PPP4R2: variants seen among roughly 807,000 people sequenced by gnomAD.
PPP4R2 encodes serine/threonine-protein phosphatase 4 regulatory subunit 2.
Under a neutral mutation model 47.2 loss-of-function variants are expected in PPP4R2, and 13 were observed. The ratio of observed to expected loss-of-function variants is 0.28; its 90% CI spans 0.18 to 0.44. PPP4R2 has a LOEUF of 0.44. PPP4R2 is among the 20% of genes least tolerant of loss of function. PPP4R2 has a pLI of 1.00. For synonymous variants in PPP4R2, 151 were observed against 163.3 expected (o/e 0.92, Z 0.57); for missense variants, 421 against 491.2 (o/e 0.86, Z 1.35).
intron 1 of PPP4R2, 118 bp downstream of exon 1, chr3:72,997,189 C>A (rs1053826369): frequency 3.2e-5 from 24 of 752,606 alleles, no homozygotes; most frequent in South Asian, 5.8e-5. Flanking sequence ...GAGTGCTTCC[C>A]GGGCTCCCAT....
chr3:73,057,489 A>T (rs988372649), intron 3 of PPP4R2, among the ~76,000 whole-genome samples: 1 of 152,126 alleles, frequency 6.6e-6, no homozygotes, highest in African/African-American at 2.4e-5. Flanking sequence ...TCAGGCAAAC[A>T]TTTAATCTTT....
At chr3:73,001,321 G>T (rs1701452145) in intron 2 of PPP4R2, among the ~76,000 whole-genome samples, 1 of 152,118 alleles carries the variant, frequency 6.6e-6, no homozygotes, top group African/African-American at 2.4e-5. Context: ...ACTTTGAGAG[G>T]CTGAGGCAGG....
At chr3:73,020,676 A>T (rs1017880179) in intron 2 of PPP4R2, among the ~76,000 whole-genome samples, 4 of 151,616 alleles carry the variant, frequency 2.6e-5, no homozygotes, top group African/African-American at 7.2e-5. Flanking sequence ...TCTCTTTAAA[A>T]AAAAAAAAAA....
At chr3:73,004,847 G>A (rs1701561779) in intron 2 of PPP4R2, among the ~76,000 whole-genome samples, 1 of 87,544 alleles carries the variant, frequency 1.1e-5, no homozygotes, top group South Asian at 3.3e-4. Context: ...AGTGTGGGGT[G>A]TGTGTGTGTG....
intron 2 of PPP4R2, among the ~76,000 whole-genome samples, chr3:73,042,705 T>C (rs1345939656): frequency 6.6e-6 from 1 of 152,112 alleles, no homozygotes; most frequent in East Asian, 1.9e-4. Context: ...CTGTTTTTGT[T>C]TTTATCAAAT....
At chr3:73,061,089 A>G in intron 5 of PPP4R2, 29 bp downstream of exon 5, 2 of 1,058,252 alleles carry the variant, frequency 1.9e-6, no homozygotes, top group Non-Finnish European at 1.3e-6. Context: ...TTTCTAGTAT[A>G]TTATTTACTA....
chr3:73,010,960 C>T (rs1254637901), intron 2 of PPP4R2, among the ~76,000 whole-genome samples: 1 of 152,184 alleles, frequency 6.6e-6, no homozygotes, highest in Non-Finnish European at 1.5e-5. Context: ...GTAGGTCTTT[C>T]TCTTTTTTAA....
In PPP4R2 at chr3:73,069,030, G is replaced by C. The variant is rs1042984015; in HGVS notation, c.*3308G>C. ...GGAATTATAAAAATTAGGTTTGCTG[G>C]GTTTTGGCCTAATAAGAGTGCTAGT... On this transcript the variant is annotated 3_prime_UTR_variant, in exon 9 of 9. Transcript: ENST00000356692. 3.9e-5 allele frequency: 6 copies of C among 152,074 alleles called. No homozygotes were observed. The highest frequency in any genetic ancestry group is 1.4e-4 in the African/African-American group (6 of 41,396). 9.4% of individuals were successfully genotyped at this position (152,074 alleles called of 1,614,324 possible).
At chr3:73,057,054 A>G (rs978423065) in intron 3 of PPP4R2, among the ~76,000 whole-genome samples, 5 of 152,250 alleles carry the variant, frequency 3.3e-5, no homozygotes, top group South Asian at 2.1e-4. Context: ...GGGGTGATTA[A>G]TGAGGAAATA....
chr3:73,016,593 C>A (rs975695868), intron 2 of PPP4R2, among the ~76,000 whole-genome samples: 1 of 151,924 alleles, frequency 6.6e-6, no homozygotes, highest in African/African-American at 2.4e-5. Flanking sequence ...GGTCTTTAAC[C>A]AAGTCTTAGT....
In PPP4R2 at chr3:73,018,357, C is replaced by T. The variant is rs185011682; in HGVS notation, c.116+20199C>T. On this transcript the variant is annotated intron_variant, in intron 2 of 8. Coordinates refer to ENST00000356692, the MANE Select transcript of PPP4R2 (RefSeq NM_174907.4). ...TGCAGATTTTGGTATACACAGGAGT[C>T]TTGGAACCAGTTCCTAAAGTATACC... 1.6e-4 allele frequency among the ~76,000 whole-genome samples: 22 copies of T among 135,568 alleles called. No individual in the cohort carries two copies. In the East Asian group the frequency reaches 4.1e-3, roughly 25 times the overall value. The allele number at this position is 135,568 out of a possible 152,430, so 88.9% of individuals were successfully genotyped here.
chr3:73,054,641 T>C (rs1702692387), intron 3 of PPP4R2, among the ~76,000 whole-genome samples: 1 of 152,200 alleles, frequency 6.6e-6, no homozygotes, highest in South Asian at 2.1e-4. Flanking sequence ...TGTCAGATTT[T>C]TATGGTCATT....
Position 73,035,676 on chromosome 3 carries a change from G to GT in PPP4R2, c.117-11509dup, listed in dbSNP as rs533220361. ...GTTTCGCTCTGTTGCCCAGGCTGGA[G>GT]TGCAGTGGCACAATCTCGGCTCACT... On this transcript the variant is annotated intron_variant, in intron 2 of 8. Transcript: ENST00000356692. Among the ~76,000 whole-genome samples, 85 of 152,196 alleles carry GT rather than the reference G, an allele frequency of 5.6e-4. No individual in the cohort carries two copies. In the South Asian group the frequency reaches 7.5e-3, roughly 13 times the overall value.
At chr3:73,010,610 G>A (rs1356821534) in intron 2 of PPP4R2, among the ~76,000 whole-genome samples, 1 of 151,468 alleles carries the variant, frequency 6.6e-6, no homozygotes, top group East Asian at 1.9e-4. Flanking sequence ...CCAGGCTGGA[G>A]TGCAGTGGTG....
At position 73,003,434 on chromosome 3, in the gene PPP4R2, A is replaced by T. The variant is rs540106778; in HGVS notation, c.116+5276A>T. Among the ~76,000 whole-genome samples the T allele has an allele frequency of 1.2e-4, 19 of 152,094 alleles. 1 individual carries two copies. The South Asian group carries it at 3.7e-3, about 30-fold the overall frequency. ...CGCTGTGTTGAACAGGCTGTTCTCG[A>T]ACTCCTGGCCTCAAGTGATCCTCCC... is the stretch of plus-strand genomic sequence containing the variant. On this transcript the variant is annotated intron_variant, in intron 2 of 8. Transcript: ENST00000356692.
Position 73,067,192 on chromosome 3 carries a change from AAT to A in PPP4R2, c.*1473_*1474del, listed in dbSNP as rs1171629693. On this transcript the variant is annotated 3_prime_UTR_variant, in exon 9 of 9. Coordinates refer to ENST00000356692, the MANE Select transcript of PPP4R2 (RefSeq NM_174907.4). ...AAAGCAATAAATATTAATGTTATGA[AAT>A]ATTTGACTACATTTTTATCAAAATA... 1 of 152,116 alleles carries A rather than the reference AAT, an allele frequency of 6.6e-6. No individual in the cohort carries two copies. The highest frequency in any genetic ancestry group is 2.4e-5 in the African/African-American group (1 of 41,440). 9.4% of individuals were successfully genotyped at this position (152,116 alleles called of 1,614,324 possible). A position where few individuals can be genotyped will look rare whatever the true frequency, so the allele number is the denominator to read the frequency against.
chr3:73,025,678 A>G (rs949762534), intron 2 of PPP4R2, among the ~76,000 whole-genome samples: 3 of 152,204 alleles, frequency 2.0e-5, no homozygotes, highest in African/African-American at 7.2e-5. Context: ...GGAATAGTAA[A>G]GTTCAGAGCT....
chr3:73,048,974 C>T (rs1381532035), intron 3 of PPP4R2, among the ~76,000 whole-genome samples: 2 of 152,088 alleles, frequency 1.3e-5, no homozygotes, highest in Non-Finnish European at 2.9e-5. Context: ...GTTATAGTTA[C>T]CCCTGGGGGC....
intron 2 of PPP4R2, chr3:73,015,796 C>T (rs1391526106): frequency 4.5e-6 from 2 of 445,910 alleles, no homozygotes; most frequent in Non-Finnish European, 9.0e-6. Context: ...CGCCACCATG[C>T]CCGATTAATT....
Sources: gnomAD v4.1 joint callset for allele counts (sites outside exome capture counted in the v4.1 genomes callset) on GRCh38, gnomAD v4.1.1 for gene constraint, MANE v1.5 for transcripts, NCBI Gene and HGNC (gene_info 2026-07-23, HGNC 2026-07-21) for gene names.